SGCD: variants seen among roughly 807,000 people sequenced by gnomAD.
SGCD encodes the protein sarcoglycan delta, also known as delta-sarcoglycan.
Under a neutral mutation model 36.6 loss-of-function variants are expected in SGCD, and 18 were observed. The ratio of observed to expected loss-of-function variants is 0.49; its 90% CI spans 0.34 to 0.73. The LOEUF is 0.73. Among genes scored for constraint, SGCD ranks in the 30% least tolerant of loss-of-function variants. The pLI is 0.01. For missense variants in SGCD, 387 were observed against 346.7 expected (o/e 1.12, Z -0.92); for synonymous variants, 133 against 130.6 (o/e 1.02, Z -0.12).
intron 1 of SGCD, among the ~76,000 whole-genome samples, chr5:156,054,281 CTTCT>C (rs1295462196): frequency 9.6e-6 from 1 of 104,438 alleles, no homozygotes; most frequent in African/African-American, 3.4e-5. Flanking sequence ...ATGAACTTTC[CTTCT>C]TTTTTTTTTT....
At chr5:156,186,527 G>A (rs74977826) in intron 3 of SGCD, among the ~76,000 whole-genome samples, 1,828 of 152,222 alleles carry the variant, frequency 0.012, 15 homozygotes, top group Non-Finnish European at 0.02. Context: ...GACTTTATCT[G>A]GTTTTATGCT....
At chr5:156,311,909 A>G (rs1767398551) in intron 3 of SGCD, among the ~76,000 whole-genome samples, 1 of 152,200 alleles carries the variant, frequency 6.6e-6, no homozygotes, top group African/African-American at 2.4e-5. Flanking sequence ...AATGCTACAA[A>G]CAGAGCTTTT....
intron 3 of SGCD, among the ~76,000 whole-genome samples, chr5:156,482,502 C>A (rs1413322223): frequency 6.6e-6 from 1 of 152,112 alleles, no homozygotes; most frequent in Admixed American, 6.5e-5. Context: ...TCATATGTTT[C>A]TTCTGCCATT....
rs1018139228 is a variant in SGCD at position 156,059,271 on chromosome 5, A to G, written c.-281-58607A>G. On this transcript the variant is annotated intron_variant, in intron 1 of 9. Transcript: ENST00000517913. ...ATTAACGTAGTTTCCCAGCTGAGAG[A>G]GAGACAGTAACCAGGAAAGGGAAGG... Among the ~76,000 whole-genome samples, 15 of 145,624 alleles carry G rather than the reference A, an allele frequency of 1.0e-4. 1 individual carries two copies. Among genetic ancestry groups the G allele is most frequent in the Non-Finnish European group, 1.9e-4 (12 of 64,704 alleles).
chr5:156,416,848 C>T lies in SGCD; in HGVS notation c.192+72171C>T, dbSNP rs1773068964. 2.0e-5 allele frequency among the ~76,000 whole-genome samples: 3 copies of T among 152,174 alleles called. No individual in the cohort carries two copies. In the South Asian group the frequency reaches 6.2e-4, roughly 32 times the overall value. Reference sequence around the variant, plus strand: ...ACTAATTTCATCACAACCTTGCCAGCAAGGACTTTGTGTCCCATTTAAAAT... The same window carrying T: ...ACTAATTTCATCACAACCTTGCCAGTAAGGACTTTGTGTCCCATTTAAAAT... On this transcript the variant is annotated intron_variant, in intron 3 of 8. Transcript: ENST00000337851.
chr5:156,176,372 A>G (rs1437762217), intron 3 of SGCD, among the ~76,000 whole-genome samples: 2 of 152,186 alleles, frequency 1.3e-5, no homozygotes, highest in African/African-American at 2.4e-5. Context: ...GAAGAATGGG[A>G]AAAAATAGGT....
chr5:156,185,364 G>A (rs13159707), intron 3 of SGCD, among the ~76,000 whole-genome samples: 29,786 of 151,422 alleles, frequency 0.2, 3,402 homozygotes, highest in Non-Finnish European at 0.25. Context: ...ACAGGCGCCC[G>A]CCACCATGCC....
intron 1 of SGCD, among the ~76,000 whole-genome samples, chr5:155,893,419 T>C (rs1756180941): frequency 6.6e-6 from 1 of 152,196 alleles, no homozygotes; most frequent in Admixed American, 6.5e-5. Context: ...AGAAAAAACA[T>C]TCAACCTTCC....
chr5:156,758,266 T>C (rs1757412303), intron 8 of SGCD, among the ~76,000 whole-genome samples: 1 of 152,174 alleles, frequency 6.6e-6, no homozygotes, highest in African/African-American at 2.4e-5. Context: ...GTGTTTTTGC[T>C]AGCAAGACAA....
chr5:156,328,792 C>T (rs1179050137), intron 1 of SGCD, among the ~76,000 whole-genome samples: 1 of 151,838 alleles, frequency 6.6e-6, no homozygotes, highest in Admixed American at 6.6e-5. Context: ...GACTGCAGGG[C>T]TTGAGGAAAG....
intron 3 of SGCD, among the ~76,000 whole-genome samples, chr5:156,426,384 A>G (rs1424900852): frequency 6.6e-6 from 1 of 151,762 alleles, no homozygotes; most frequent in Non-Finnish European, 1.5e-5. Context: ...AGAATTGTCT[A>G]TTCATGTTCT....
intron 7 of SGCD, among the ~76,000 whole-genome samples, chr5:156,698,149 A>G (rs1344681833): frequency 6.6e-6 from 1 of 152,126 alleles, no homozygotes; most frequent in Non-Finnish European, 1.5e-5. Context: ...GCTGTAGTCT[A>G]ATAGGAACAG....
chr5:155,964,257 T>C (rs989833853), intron 1 of SGCD, among the ~76,000 whole-genome samples: 1 of 152,150 alleles, frequency 6.6e-6, no homozygotes, highest in Non-Finnish European at 1.5e-5. Context: ...CTTTTGTGTT[T>C]AGCAAATATT....
At chr5:155,854,992 A>G in the SGCD span, among the ~76,000 whole-genome samples, 6 of 152,118 alleles carry the variant, frequency 3.9e-5, no homozygotes, top group Non-Finnish European at 8.8e-5. Flanking sequence ...GACTTGAACC[A>G]AGGGTTTCTG....
intron 3 of SGCD, among the ~76,000 whole-genome samples, chr5:156,476,047 C>G (rs994466270): frequency 6.6e-6 from 1 of 152,172 alleles, no homozygotes; most frequent in African/African-American, 2.4e-5. Flanking sequence ...CAGCTGTGAC[C>G]TCTTCCTCAT....
chr5:155,789,134 G>C, the SGCD span, among the ~76,000 whole-genome samples: 1 of 152,256 alleles, frequency 6.6e-6, no homozygotes, highest in East Asian at 1.9e-4. Flanking sequence ...ATTAGCTGGA[G>C]ACCAGGGAGT....
intron 3 of SGCD, among the ~76,000 whole-genome samples, chr5:156,223,194 G>T (rs1379127681): frequency 6.6e-6 from 1 of 152,048 alleles, no homozygotes; most frequent in Admixed American, 6.6e-5. Flanking sequence ...AAGGAAGTAA[G>T]GACTTCTGAC....
intron 1 of SGCD, among the ~76,000 whole-genome samples, chr5:156,094,613 C>A (rs963026267): frequency 1.3e-5 from 2 of 152,182 alleles, no homozygotes; most frequent in Admixed American, 6.5e-5. Flanking sequence ...ATTACAGTAA[C>A]AAATCATCTT....
At position 156,589,221 on chromosome 5, in the gene SGCD, CT is replaced by C; in HGVS notation, c.295-8del. On this transcript the variant is annotated splice_polypyrimidine_tract_variant and intron_variant, in intron 4 of 8. Transcript: ENST00000337851. ...CATTTTCATGTCTTTCTCTTATTTTCTTATTGCAGGGTAATGCCCTGTACTT... is the reference window on the plus strand; with the variant it reads ...CATTTTCATGTCTTTCTCTTATTTTCTATTGCAGGGTAATGCCCTGTACTT... 1 of 1,523,496 alleles carries C rather than the reference CT, an allele frequency of 6.6e-7. No homozygotes were observed. The highest frequency in any genetic ancestry group is 8.9e-7 in the Non-Finnish European group (1 of 1,118,704). The allele number at this position is 1,523,496 out of a possible 1,614,324, so 94.4% of individuals were successfully genotyped here. A position where few individuals can be genotyped will look rare whatever the true frequency, so the allele number is the denominator to read the frequency against.
Sources: allele counts gnomAD v4.1 joint callset (sites outside exome capture counted in the v4.1 genomes callset), GRCh38; gene constraint gnomAD v4.1.1; transcripts MANE v1.5; gene names NCBI Gene and HGNC (gene_info 2026-07-23, HGNC 2026-07-21).